The following KCNB2 variants were observed in gnomAD, a reference collection of about 807,000 sequenced individuals.
The protein encoded by KCNB2 is potassium voltage-gated channel subfamily B member 2, also known as delayed rectifier potassium channel protein.
A neutral mutation model predicts 61.5 loss-of-function variants in KCNB2; 15 were observed. The observed-to-expected ratio is 0.24, with a 90% CI of 0.16 to 0.38. The LOEUF (loss-of-function observed/expected upper bound fraction) is 0.38. KCNB2 is among the 10% of genes least tolerant of loss of function. The pLI, the probability that KCNB2 is intolerant of heterozygous loss-of-function variation, is 1.00. For missense variants in KCNB2, 828 were observed against 1,125.2 expected (o/e 0.74, Z 3.78); for synonymous variants, 457 against 446.0 (o/e 1.02, Z -0.31).
intron 2 of KCNB2, among the ~76,000 whole-genome samples, chr8:72,651,301 A>G (rs1438503852): frequency 6.6e-6 from 1 of 152,200 alleles, no homozygotes; most frequent in Non-Finnish European, 1.5e-5. Flanking sequence ...CTGCTAGTAA[A>G]TAATTTTCAA....
intron 2 of KCNB2, among the ~76,000 whole-genome samples, chr8:72,819,095 A>C (rs1809450055): frequency 6.6e-6 from 1 of 152,194 alleles, no homozygotes; most frequent in Non-Finnish European, 1.5e-5. Flanking sequence ...AGACAAAGCC[A>C]ACACAAAATA....
At chr8:72,568,337 G>C (rs368777298) in intron 2 of KCNB2, 24 bp downstream of exon 2, 1 of 1,567,818 alleles carries the variant, frequency 6.4e-7, no homozygotes, top group Non-Finnish European at 8.7e-7. Context: ...AGTATTGCTT[G>C]CCTGTGTGTG....
At chr8:72,543,638 A>G (rs1806221526) in intron 1 of KCNB2, among the ~76,000 whole-genome samples, 1 of 152,196 alleles carries the variant, frequency 6.6e-6, no homozygotes, top group Admixed American at 6.5e-5. Context: ...CTGTGTAAAA[A>G]CATGCTATGA....
intron 2 of KCNB2, among the ~76,000 whole-genome samples, chr8:72,912,871 G>T (rs190480032): frequency 6.6e-6 from 1 of 152,030 alleles, no homozygotes; most frequent in Admixed American, 6.6e-5. Flanking sequence ...TTCATTTTAC[G>T]GGCAAGGGAA....
rs1356921022 is a variant in KCNB2, at chr8:72,673,243, T to C, written c.579+104930T>C. Among the ~76,000 whole-genome samples the C allele has an allele frequency of 1.3e-5, 2 of 152,200 alleles. 1 individual carries two copies. On this transcript the variant is annotated intron_variant, in intron 2 of 2. Coordinates refer to ENST00000523207, the MANE Select transcript of KCNB2 (RefSeq NM_004770.3). ...GTCCCCACCCAAATCTCATCTTAAA[T>C]TGTAGTTCCTATAATCCCCGCATGT...
In KCNB2 at chr8:72,748,227, T is replaced by C. The variant is rs184501576; in HGVS notation, c.579+179914T>C. 1.9e-3 allele frequency among the ~76,000 whole-genome samples: 295 copies of C among 152,338 alleles called. 2 individuals are homozygous for C. The highest frequency in any genetic ancestry group is 6.9e-3 in the African/African-American group (287 of 41,590). Reference sequence around the variant, plus strand: ...AACATCCTTCATGTTAATTTCCTCATTGGTTCAAGTCTCATTGACCTGAAA... The same window carrying C: ...AACATCCTTCATGTTAATTTCCTCACTGGTTCAAGTCTCATTGACCTGAAA... On this transcript the variant is annotated intron_variant, in intron 2 of 2. Coordinates refer to ENST00000523207, the MANE Select transcript of KCNB2 (RefSeq NM_004770.3).
intron 2 of KCNB2, among the ~76,000 whole-genome samples, chr8:72,762,062 G>A (rs1808391225): frequency 6.6e-6 from 1 of 152,152 alleles, no homozygotes; most frequent in African/African-American, 2.4e-5. Flanking sequence ...ATTTCTGTAA[G>A]TTCTTTATGA....
intron 2 of KCNB2, among the ~76,000 whole-genome samples, chr8:72,767,545 CAT>C (rs146573594): frequency 0.34 from 51,098 of 151,888 alleles, 8,925 homozygotes; most frequent in African/African-American, 0.42. Context: ...CATATTATAA[CAT>C]GTGTCACTAC....
chr8:72,676,880 A>G (rs901035480), intron 2 of KCNB2, among the ~76,000 whole-genome samples: 2 of 151,894 alleles, frequency 1.3e-5, no homozygotes, highest in Admixed American at 6.6e-5. Context: ...CAGCCCTTCC[A>G]CTTTATATTG....
At chr8:72,908,096 A>AT (rs923002463) in intron 2 of KCNB2, among the ~76,000 whole-genome samples, 3 of 151,584 alleles carry the variant, frequency 2.0e-5, no homozygotes, top group South Asian at 4.2e-4. Context: ...TTTCTTGGGT[A>AT]TTTTTTTTCA....
chr8:72,771,659 G>C (rs144199434), intron 2 of KCNB2, among the ~76,000 whole-genome samples: 58 of 152,228 alleles, frequency 3.8e-4, no homozygotes, highest in Non-Finnish European at 7.5e-4. Flanking sequence ...CAAGGAGCAA[G>C]TAGGCGCAGA....
At chr8:72,836,307 G>A (rs527546666) in intron 2 of KCNB2, among the ~76,000 whole-genome samples, 1 of 152,094 alleles carries the variant, frequency 6.6e-6, no homozygotes, top group Non-Finnish European at 1.5e-5. Flanking sequence ...TCAACTTATG[G>A]TAAATGAAAC....
intron 2 of KCNB2, among the ~76,000 whole-genome samples, chr8:72,771,974 G>C (rs1808569107): frequency 6.6e-6 from 1 of 152,142 alleles, no homozygotes; most frequent in East Asian, 1.9e-4. Context: ...CAGAGGACTA[G>C]TAGGTGGGAC....
chr8:72,832,810 T>C (rs6995107), intron 2 of KCNB2, among the ~76,000 whole-genome samples: 79,949 of 152,050 alleles, frequency 0.53, 21,664 homozygotes, highest in Admixed American at 0.59. Context: ...GTGACACCTA[T>C]ATACACAGTG....
intron 2 of KCNB2, among the ~76,000 whole-genome samples, chr8:72,755,830 C>A (rs1323980285): frequency 6.6e-6 from 1 of 152,090 alleles, no homozygotes; most frequent in Non-Finnish European, 1.5e-5. Flanking sequence ...AAAACGGTTC[C>A]CCCACCGCAC....
chr8:72,644,825 A>C (rs183699765), intron 2 of KCNB2, among the ~76,000 whole-genome samples: 1 of 152,252 alleles, frequency 6.6e-6, no homozygotes, highest in East Asian at 1.9e-4. Context: ...CTTTACAAAT[A>C]ACGAAACTGA....
chr8:72,590,440 C>G (rs1259651304), intron 2 of KCNB2, among the ~76,000 whole-genome samples: 1 of 152,048 alleles, frequency 6.6e-6, no homozygotes, highest in Non-Finnish European at 1.5e-5. Flanking sequence ...AAAGTTACTT[C>G]TTTTAAAAGA....
At chr8:72,589,353 GA>G (rs769816125) in intron 2 of KCNB2, among the ~76,000 whole-genome samples, 11 of 150,732 alleles carry the variant, frequency 7.3e-5, no homozygotes, top group Middle Eastern at 3.2e-3. Context: ...TCTAAAAAAA[GA>G]AAAAAAGAAA....
chr8:72,917,655 G>A (rs553367603), intron 2 of KCNB2, among the ~76,000 whole-genome samples: 1 of 152,248 alleles, frequency 6.6e-6, no homozygotes, highest in Admixed American at 6.5e-5. Context: ...AATTTAAGTG[G>A]TAAATTTTTA....
Sources: allele counts gnomAD v4.1 joint callset (sites outside exome capture counted in the v4.1 genomes callset), GRCh38; gene constraint gnomAD v4.1.1; transcripts MANE v1.5; gene names NCBI Gene and HGNC (gene_info 2026-07-23, HGNC 2026-07-21).